Variants in KCNT2 observed in about 807,000 individuals in gnomAD.
KCNT2 encodes the protein potassium channel subfamily T member 2.
KCNT2 carries 67 observed loss-of-function variants against 153.8 expected under a neutral mutation model. That is an observed-to-expected ratio of 0.44 (90% CI 0.36 to 0.53). The LOEUF is 0.53. KCNT2 is among the 20% of genes least tolerant of loss of function. KCNT2 has a pLI of 0.00. For synonymous variants in KCNT2, 500 were observed against 458.8 expected, an observed-to-expected ratio of 1.09 and a Z score of -1.15; for missense variants, 975 against 1,354.8, an observed-to-expected ratio of 0.72 and a Z score of 4.40.
chr1:196,310,603 T>C (rs1662069852), intron 21 of KCNT2, among the ~76,000 whole-genome samples: 1 of 151,896 alleles, frequency 6.6e-6, no homozygotes, highest in Non-Finnish European at 1.5e-5. Context: ...CATGTGCATG[T>C]ACATGTTGTT....
chr1:196,306,491 GT>G (rs1433530935), intron 21 of KCNT2, among the ~76,000 whole-genome samples: 2 of 152,180 alleles, frequency 1.3e-5, no homozygotes, highest in East Asian at 3.9e-4. Flanking sequence ...TTACAGACGA[GT>G]TTTTACCTTT....
intron 24 of KCNT2, among the ~76,000 whole-genome samples, chr1:196,281,374 A>G (rs931472525): frequency 1.3e-5 from 2 of 152,198 alleles, no homozygotes; most frequent in Non-Finnish European, 1.5e-5. Context: ...TGTAAAGCAT[A>G]TGGAAACTAT....
At chr1:196,475,962 C>T (rs1678496788) in intron 5 of KCNT2, among the ~76,000 whole-genome samples, 1 of 152,096 alleles carries the variant, frequency 6.6e-6, no homozygotes, top group Admixed American at 6.6e-5. Context: ...GCTCTGCATG[C>T]TAGGTCTTAC....
intron 1 of KCNT2, among the ~76,000 whole-genome samples, chr1:196,561,461 G>C (rs1238598376): frequency 2.0e-5 from 3 of 151,020 alleles, no homozygotes; most frequent in Non-Finnish European, 3.0e-5. Flanking sequence ...GGATCTGGTG[G>C]TGCGTTGGAT....
intron 3 of KCNT2, among the ~76,000 whole-genome samples, chr1:196,486,609 G>T (rs1679437740): frequency 6.6e-6 from 1 of 151,720 alleles, no homozygotes; most frequent in Non-Finnish European, 1.5e-5. Context: ...TTTAGCAGAA[G>T]AACAAAGCAT....
At chr1:196,424,728 A>G (rs1452289492) in intron 11 of KCNT2, among the ~76,000 whole-genome samples, 2 of 151,800 alleles carry the variant, frequency 1.3e-5, no homozygotes, top group Non-Finnish European at 2.9e-5. Flanking sequence ...CGACTTTATT[A>G]TATATAAATC....
chr1:196,288,069 G>A lies in KCNT2; in HGVS notation c.2596-2311C>T, dbSNP rs190816737. On this transcript the variant is annotated intron_variant, in intron 22 of 27. Transcript: ENST00000294725. Reference sequence around the variant, plus strand: ...AATTGAGTAGAAATTTGGGAAGAGTGAGTGTTAAGTTGAAAGCTATAAGCA... The same window carrying A: ...AATTGAGTAGAAATTTGGGAAGAGTAAGTGTTAAGTTGAAAGCTATAAGCA... Among the ~76,000 whole-genome samples the A allele has an allele frequency of 1.4e-4, 21 of 151,956 alleles. No individual in the cohort carries two copies. In the East Asian group the frequency reaches 3.9e-3, roughly 28 times the overall value.
chr1:196,242,759 G>C (rs1655072934), intron 26 of KCNT2, among the ~76,000 whole-genome samples: 1 of 152,080 alleles, frequency 6.6e-6, no homozygotes, highest in Admixed American at 6.6e-5. Context: ...AATTTTCTTA[G>C]AATAGCTTCA....
chr1:196,406,073 G>T (rs1225214967), intron 12 of KCNT2, among the ~76,000 whole-genome samples: 1 of 151,442 alleles, frequency 6.6e-6, no homozygotes. Flanking sequence ...CAGTAGATTG[G>T]ACTCAAAAGC....
intron 21 of KCNT2, among the ~76,000 whole-genome samples, chr1:196,315,240 A>G (rs1336393811): frequency 1.3e-5 from 2 of 151,648 alleles, no homozygotes; most frequent in Admixed American, 6.6e-5. Flanking sequence ...TTAAAATTTC[A>G]TATGATTTTA....
At chr1:196,591,127 G>A (rs948844560) in intron 1 of KCNT2, among the ~76,000 whole-genome samples, 8 of 152,026 alleles carry the variant, frequency 5.3e-5, no homozygotes, top group South Asian at 2.1e-4. Context: ...TCATGAGGGC[G>A]GATCCTTCAT....
At chr1:196,305,414 A>G (rs751552117) in intron 21 of KCNT2, 69 bp from the exon 22 acceptor site, 4 of 823,334 alleles carry the variant, frequency 4.9e-6, no homozygotes, top group Admixed American at 3.9e-5. Flanking sequence ...CAACATATTT[A>G]TGAGTGAGTG....
At chr1:196,338,883 G>A (rs144122993) in intron 16 of KCNT2, among the ~76,000 whole-genome samples, 305 of 150,042 alleles carry the variant, frequency 2.0e-3, no homozygotes, top group Admixed American at 6.0e-3. Context: ...TGAGAAGAGC[G>A]GGTGGTGAAA....
At chr1:196,241,307 A>C (rs1402097040) in intron 26 of KCNT2, among the ~76,000 whole-genome samples, 1 of 152,192 alleles carries the variant, frequency 6.6e-6, no homozygotes, top group South Asian at 2.1e-4. Context: ...AATCTAGTGA[A>C]GATTTCATTT....
intron 8 of KCNT2, among the ~76,000 whole-genome samples, chr1:196,438,536 A>C (rs567610007): frequency 6.6e-6 from 1 of 151,894 alleles, no homozygotes; most frequent in Non-Finnish European, 1.5e-5. Context: ...ATCTTTAACT[A>C]TTTGCAAAGA....
At chr1:196,450,757 C>T (rs1676088370) in intron 8 of KCNT2, among the ~76,000 whole-genome samples, 1 of 151,836 alleles carries the variant, frequency 6.6e-6, no homozygotes, top group Non-Finnish European at 1.5e-5. Flanking sequence ...TCTTGTCTCC[C>T]CACAGCCTGT....
intron 22 of KCNT2, among the ~76,000 whole-genome samples, chr1:196,297,388 T>C (rs1488806822): frequency 6.6e-6 from 1 of 152,152 alleles, no homozygotes; most frequent in Non-Finnish European, 1.5e-5. Flanking sequence ...TAGACACATA[T>C]GCAGCAGCTG....
chr1:196,366,070 T>C (rs1258195644), intron 14 of KCNT2, among the ~76,000 whole-genome samples: 1 of 152,138 alleles, frequency 6.6e-6, no homozygotes, highest in Admixed American at 6.6e-5. Flanking sequence ...TGGCCCATTG[T>C]TTCTTTTCAG....
At chr1:196,464,449 A>G (rs982199665) in intron 8 of KCNT2, among the ~76,000 whole-genome samples, 4 of 151,944 alleles carry the variant, frequency 2.6e-5, no homozygotes, top group African/African-American at 9.7e-5. Flanking sequence ...ATACCTATGT[A>G]TCTATATTTA....
Sources: gnomAD v4.1 joint callset for allele counts (sites outside exome capture counted in the v4.1 genomes callset) on GRCh38, gnomAD v4.1.1 for gene constraint, MANE v1.5 for transcripts, NCBI Gene and HGNC (gene_info 2026-07-23, HGNC 2026-07-21) for gene names.